Variants in ERCC6 observed in about 807,000 individuals in gnomAD.
ERCC6 encodes the protein ERCC excision repair 6, chromatin remodeling factor, also known as DNA excision repair protein ERCC-6.
A neutral mutation model predicts 158.7 loss-of-function variants in ERCC6; 116 were observed. That is an observed-to-expected ratio of 0.73 (90% CI 0.63 to 0.85). The LOEUF (loss-of-function observed/expected upper bound fraction) is 0.85. Among genes scored for constraint, ERCC6 ranks in the 40% least tolerant of loss-of-function variants. ERCC6 has a pLI of 0.00. For synonymous variants in ERCC6, 678 were observed against 659.3 expected (o/e 1.03, Z -0.43); for missense variants, 1,698 against 1,799.4 (o/e 0.94, Z 1.02).
At position 49,458,428 on chromosome 10, in the gene ERCC6, T is replaced by A; in HGVS notation, c.*387A>T. The A allele has an allele frequency of 4.0e-6, 1 of 248,610 alleles. No homozygotes were observed. The highest frequency in any genetic ancestry group is 1.0e-4 in the East Asian group (1 of 9,608). The allele number at this position is 248,610 out of a possible 1,614,324, so 15.4% of individuals were successfully genotyped here. ...CTTATTGAACAGGTCTGACTGAATG[T>A]AAGACCTGTTTTTAGCACCAATAAA... On this transcript the variant is annotated 3_prime_UTR_variant, in exon 21 of 21. Coordinates refer to ENST00000355832, the MANE Select transcript of ERCC6 (RefSeq NM_000124.4).
chr10:49,470,810 A>C lies in ERCC6; in HGVS notation c.3150T>G (p.Val1050=), dbSNP rs768900524. 4.3e-6 allele frequency: 7 copies of C among 1,614,168 alleles called. No homozygotes were observed. Among genetic ancestry groups the C allele is most frequent in the Non-Finnish European group, 5.9e-6 (7 of 1,180,024 alleles). ...AAGCAGGGAACTTCTTGCGTTTTGGAACATCATGGTCTGCTCCAAAGGCTG... is the reference window on the plus strand; with the variant it reads ...AAGCAGGGAACTTCTTGCGTTTTGGCACATCATGGTCTGCTCCAAAGGCTG... ...IQPAFGADHD[V]PKRKKFPASN... Residue 1050 remains valine (V), a synonymous_variant, in exon 18 of 21, where the codon GTT becomes GTG. Coordinates refer to ENST00000355832, the MANE Select transcript of ERCC6 (RefSeq NM_000124.4).
Position 49,470,852 on chromosome 10 carries a change from T to C in ERCC6, c.3108A>G (p.Leu1036=), listed in dbSNP as rs988596074. The C allele has an allele frequency of 5.6e-6, 9 of 1,614,088 alleles. No individual in the cohort carries two copies. In the Middle Eastern group the frequency reaches 4.9e-4, roughly 89 times the overall value. The change falls in exon 18 of 21, where the codon CTA becomes CTG. Residue 1036 remains leucine (L), a synonymous_variant. Coordinates refer to ENST00000355832, the MANE Select transcript of ERCC6 (RefSeq NM_000124.4). The part of the protein sequence containing the change: ...GSDVQTPKCH[L]KRRIQPAFGA... ...CAAAGGCTGGTTGAATCCTTCTTTT[T>C]AGATGGCATTTGGGTGTCTGAACAT...
chr10:49,479,548 A>G (rs539357939), intron 10 of ERCC6, among the ~76,000 whole-genome samples: 85 of 152,344 alleles, frequency 5.6e-4, no homozygotes, highest in Non-Finnish European at 1.0e-3. Flanking sequence ...AGACTGATGA[A>G]TATCACCTTG....
intron 7 of ERCC6, among the ~76,000 whole-genome samples, chr10:49,499,140 A>T (rs571502203): frequency 6.6e-6 from 1 of 152,364 alleles, no homozygotes; most frequent in East Asian, 1.9e-4. Context: ...CATGCTTCCA[A>T]GCAAAATGTA....
intron 4 of ERCC6, among the ~76,000 whole-genome samples, chr10:49,527,344 T>C (rs1837364055): frequency 6.6e-6 from 1 of 152,208 alleles, no homozygotes; most frequent in Non-Finnish European, 1.5e-5. Flanking sequence ...GCACTGGTCA[T>C]AGGCCTAATG....
intron 11 of ERCC6, among the ~76,000 whole-genome samples, chr10:49,478,083 T>C (rs1041797991): frequency 3.2e-4 from 49 of 152,252 alleles, no homozygotes; most frequent in Non-Finnish European, 6.0e-4. Flanking sequence ...TGGCACCTAA[T>C]ACAATTTGTA....
chr10:49,515,767 G>A (rs1346814627), intron 5 of ERCC6: 2 of 1,614,116 alleles, frequency 1.2e-6, no homozygotes, highest in Non-Finnish European at 1.7e-6. Flanking sequence ...ATCATGTTTG[G>A]CTGCTGAACT....
the ERCC6 span, among the ~76,000 whole-genome samples, chr10:49,445,945 TAC>T: frequency 2.0e-5 from 3 of 152,168 alleles, no homozygotes; most frequent in African/African-American, 7.2e-5. Context: ...TACCTCCCGC[TAC>T]AGAGAAGCTT....
At chr10:49,461,331 T>G in intron 19 of ERCC6, 21 bp downstream of exon 19, 1 of 1,609,888 alleles carries the variant, frequency 6.2e-7, no homozygotes, top group Non-Finnish European at 8.5e-7. Flanking sequence ...CTTGCAAGTA[T>G]GGCATGCAGC....
chr10:49,532,757 G>C lies in ERCC6; in HGVS notation c.208C>G (p.Pro70Ala). The C allele has an allele frequency of 1.2e-6, 2 of 1,614,218 alleles. No individual in the cohort carries two copies. The highest frequency in any genetic ancestry group is 1.6e-4 in the Middle Eastern group (1 of 6,062). ...TGTCGGTCGATGTGCAGCAGGGCTG[G>C]CCCTCTCCTCGGAGCTGCTGATGCG... ...GCASAAPRRGPALLHIDRHQI... is the reference protein window; with the variant it reads ...GCASAAPRRGAALLHIDRHQI... Residue 70 changes from proline to alanine, a missense_variant, in exon 2 of 21, where the codon CCA becomes GCA. Coordinates refer to ENST00000355832, the MANE Select transcript of ERCC6 (RefSeq NM_000124.4).
At chr10:49,490,510 A>G (rs974541265) in intron 8 of ERCC6, among the ~76,000 whole-genome samples, 4 of 152,114 alleles carry the variant, frequency 2.6e-5, no homozygotes, top group Admixed American at 2.6e-4. Flanking sequence ...GTGTGCCACC[A>G]CAACCAGCTA....
intron 20 of ERCC6, chr10:49,460,092 AGGCTGT>A (rs1850550573): frequency 2.0e-6 from 1 of 490,598 alleles, no homozygotes; most frequent in African/African-American, 2.0e-5. Flanking sequence ...TAGACAAGGC[AGGCTGT>A]CCTAGCAGCG....
Position 49,539,068 on chromosome 10 carries a change from GACACCGCCCCCA to G in ERCC6, c.-133_-122del, listed in dbSNP as rs1195465101. 1 of 152,346 alleles carries G rather than the reference GACACCGCCCCCA, an allele frequency of 6.6e-6. No homozygotes were observed. Among genetic ancestry groups the G allele is most frequent in the Non-Finnish European group, 1.5e-5 (1 of 68,174 alleles). 9.4% of individuals were successfully genotyped at this position (152,346 alleles called of 1,614,324 possible). On this transcript the variant is annotated 5_prime_UTR_variant, in exon 1 of 21. Coordinates refer to ENST00000355832, the MANE Select transcript of ERCC6 (RefSeq NM_000124.4). ...CGCCTGCGCCCTCAGCTCAACCATA[GACACCGCCCCCA>G]ACAGCGACTCCGACTTCTGCTGGTG...
intron 6 of ERCC6, chr10:49,503,250 G>T (rs564545836): frequency 4.6e-5 from 7 of 152,224 alleles, no homozygotes; most frequent in African/African-American, 1.7e-4. Flanking sequence ...CCTGAGAGGG[G>T]GTTAAGACAA....
At chr10:49,500,819 C>A (rs563141393) in intron 6 of ERCC6, 123 bp from the exon 7 acceptor site, 39 of 992,756 alleles carry the variant, frequency 3.9e-5, no homozygotes, top group Non-Finnish European at 3.6e-5. Context: ...GAGAAACATG[C>A]GGGATGTGTG....
chr10:49,475,743 C>T (rs917365852), intron 12 of ERCC6, among the ~76,000 whole-genome samples: 2 of 152,090 alleles, frequency 1.3e-5, no homozygotes, highest in Admixed American at 6.5e-5. Context: ...ACATTTGAAC[C>T]AGATTTATAT....
In ERCC6 at chr10:49,482,826, G is replaced by A. The variant is rs749619397; in HGVS notation, c.2030C>T (p.Pro677Leu). 2.5e-6 allele frequency: 4 copies of A among 1,613,878 alleles called. No individual in the cohort carries two copies. The highest frequency in any genetic ancestry group is 2.5e-6 in the Non-Finnish European group (3 of 1,179,988). Residue 677 changes from proline to leucine, a missense_variant, in exon 10 of 21, where the codon CCG becomes CTG. Transcript: ENST00000355832. The stretch of plus-strand genomic sequence containing the variant: ...CAGCTCTCGGAGGTTATTTTGCATC[G>A]GTGAGCCAGACAGAATGATCCGATG... ...TPHRIILSGS[P>L]MQNNLRELWS...
chr10:49,481,670 A>T (rs1479474547), intron 10 of ERCC6, among the ~76,000 whole-genome samples: 1 of 152,092 alleles, frequency 6.6e-6, no homozygotes, highest in African/African-American at 2.4e-5. Context: ...ACCTCCTGGC[A>T]TTTCTGCCTG....
At chr10:49,530,963 A>G in intron 2 of ERCC6, 123 bp from the exon 3 acceptor site, 5 of 1,356,682 alleles carry the variant, frequency 3.7e-6, no homozygotes, top group Non-Finnish European at 4.0e-6. Context: ...AAAGGAAACT[A>G]AACCAGAATA....
Sources: allele counts gnomAD v4.1 joint callset (sites outside exome capture counted in the v4.1 genomes callset), GRCh38; gene constraint gnomAD v4.1.1; transcripts MANE v1.5; gene names NCBI Gene and HGNC (gene_info 2026-07-23, HGNC 2026-07-21).